CERS1: variants seen among roughly 807,000 people sequenced by gnomAD.
CERS1 encodes Embryonic growth/differentiation factor 1.
In CERS1, 16 loss-of-function variants were observed where a neutral mutation model predicts 35.7. The ratio of observed to expected loss-of-function variants is 0.45; its 90% CI spans 0.30 to 0.68. The LOEUF is 0.68. CERS1 is among the 30% of genes least tolerant of loss of function. The probability of loss-of-function intolerance (pLI) is 0.08; values close to 1 mark genes in which losing one functional copy is unlikely to be tolerated. For synonymous variants in CERS1, 243 were observed against 201.6 expected, an observed-to-expected ratio of 1.21 and a Z score of -1.74; for missense variants, 454 against 453.9, an observed-to-expected ratio of 1.00 and a Z score of 0.00.
At chr19:18,886,287 C>T (rs370192977) in intron 2 of CERS1, among the ~76,000 whole-genome samples, 16 of 152,004 alleles carry the variant, frequency 1.1e-4, no homozygotes, top group African/African-American at 2.7e-4. Context: ...CAGTGGCTCA[C>T]GCCTGTAATC....
At chr19:18,893,196 A>G (rs1601191721) in intron 2 of CERS1, among the ~76,000 whole-genome samples, 1 of 150,926 alleles carries the variant, frequency 6.6e-6, no homozygotes, top group African/African-American at 2.4e-5. Flanking sequence ...TACAGGCGTG[A>G]GCCACTGCGC....
At chr19:18,869,744 G>T (rs2055929984) in intron 7 of CERS1, among the ~76,000 whole-genome samples, 1 of 151,216 alleles carries the variant, frequency 6.6e-6, no homozygotes, top group South Asian at 2.1e-4. Context: ...TGGGCATGGG[G>T]TGGGGACAGG....
intron 6 of CERS1, among the ~76,000 whole-genome samples, chr19:18,875,111 C>A (rs2056037385): frequency 6.6e-6 from 1 of 151,946 alleles, no homozygotes; most frequent in African/African-American, 2.4e-5. Context: ...TGGTGGGTGC[C>A]TGTGGTTCCA....
In CERS1 at chr19:18,870,072, C is replaced by T. The variant is rs748236096; in HGVS notation, c.*505G>A. On this transcript the variant is annotated 3_prime_UTR_variant, in exon 7 of 8. Transcript: ENST00000623882. This position sits in a 1 kb window ranked among gnomAD's most constrained non-coding sequence, Gnocchi z 5.1. ...CAGGGTGACCCCTGGGGACGTCCGCCGCGAGCCAGACCTGGTCTCCTGGGG... is the reference window on the plus strand; with the variant it reads ...CAGGGTGACCCCTGGGGACGTCCGCTGCGAGCCAGACCTGGTCTCCTGGGG... 7.1e-5 allele frequency: 113 copies of T among 1,582,670 alleles called. No homozygotes were observed. Among genetic ancestry groups the T allele is most frequent in the Middle Eastern group, 1.7e-4 (1 of 6,020 alleles).
chr19:18,872,162 G>A (rs2055981894), intron 6 of CERS1, among the ~76,000 whole-genome samples: 1 of 152,186 alleles, frequency 6.6e-6, no homozygotes, highest in Admixed American at 6.5e-5. Flanking sequence ...AGCATCCTCG[G>A]TGATGGGTGC....
chr19:18,871,223 ATTT>A (rs572877061), intron 6 of CERS1, among the ~76,000 whole-genome samples: 8,637 of 119,792 alleles, frequency 0.072, 329 homozygotes, highest in African/African-American at 0.12. Flanking sequence ...ACTCCCAGCA[ATTT>A]TTTTTTTTTT....
chr19:18,882,576 G>A (rs1187764976), intron 3 of CERS1, among the ~76,000 whole-genome samples: 1 of 151,892 alleles, frequency 6.6e-6, no homozygotes, highest in African/African-American at 2.4e-5. Flanking sequence ...GCCGGAGGTT[G>A]CAGTAAGCCA....
Position 18,868,847 on chromosome 19 carries a change from C to T in CERS1, c.*1138G>A. ...ACCCTGGCAGTAGTTGGCCAGGAAG[C>T]CGCGCGGCGCGATGACCCAGCGGTG... On this transcript the variant is annotated 3_prime_UTR_variant, in exon 8 of 8. Coordinates refer to ENST00000623882, the MANE Select transcript of CERS1 (RefSeq NM_021267.5). The T allele has an allele frequency of 6.9e-7, 1 of 1,448,136 alleles. No homozygotes were observed. The highest frequency in any genetic ancestry group is 1.2e-5 in the South Asian group (1 of 81,168). 89.7% of individuals were successfully genotyped at this position (1,448,136 alleles called of 1,614,324 possible).
At chr19:18,893,634 TG>T in intron 1 of CERS1, 59 bp from the exon 2 acceptor site, 11 of 1,531,404 alleles carry the variant, frequency 7.2e-6, no homozygotes, top group Non-Finnish European at 9.7e-6. Context: ...ACTGCTCCTT[TG>T]GGGTGGGGAA....
chr19:18,873,015 G>A (rs1361193196), intron 6 of CERS1, among the ~76,000 whole-genome samples: 1 of 152,236 alleles, frequency 6.6e-6, no homozygotes, highest in Non-Finnish European at 1.5e-5. Flanking sequence ...AAGAGCCAGA[G>A]CGAGTGTGCA....
At chr19:18,882,360 T>C (rs1279376474) in intron 3 of CERS1, among the ~76,000 whole-genome samples, 1 of 151,642 alleles carries the variant, frequency 6.6e-6, no homozygotes, top group Non-Finnish European at 1.5e-5. Flanking sequence ...TAACCAGACG[T>C]GGTGGCTCAC....
intron 7 of CERS1, 133 bp from the exon 8 acceptor site, chr19:18,869,523 G>C (rs912179229): frequency 4.2e-5 from 53 of 1,249,948 alleles, no homozygotes; most frequent in Non-Finnish European, 5.2e-5. Context: ...GTGAAGCGGC[G>C]GGGTGGGCTG....
chr19:18,875,819 G>A (rs1224288308), intron 6 of CERS1, among the ~76,000 whole-genome samples: 1 of 152,150 alleles, frequency 6.6e-6, no homozygotes, highest in African/African-American at 2.4e-5. Context: ...GGAAGACGGA[G>A]ACTGAGACTG....
rs116156115 is a variant in CERS1, at chr19:18,887,028, T to C, written c.410-2761A>G. Among the ~76,000 whole-genome samples the C allele has an allele frequency of 3.9e-3, 595 of 152,280 alleles. 4 individuals carry two copies. Among genetic ancestry groups the C allele is most frequent in the African/African-American group, 0.013 (549 of 41,548 alleles). ...GTCCACTAGGGTGTGTGCCTGACAA[T>C]GGAAAACGGGGACTCAAAGAGATAC... On this transcript the variant is annotated intron_variant, in intron 2 of 7. Coordinates refer to ENST00000623882, the MANE Select transcript of CERS1 (RefSeq NM_021267.5).
chr19:18,894,177 G>T (rs2056567474), intron 1 of CERS1, among the ~76,000 whole-genome samples: 1 of 150,856 alleles, frequency 6.6e-6, no homozygotes, highest in Admixed American at 6.6e-5. Context: ...CACAGGCGAG[G>T]TGAGACCCTG....
In CERS1 at chr19:18,896,078, C is replaced by T. The variant is rs2056621325; in HGVS notation, c.-6G>A. ...GCGGGCCCCGCCGCCGCCATACCGCCCGCTCGCCCGCCGTGCCCGTCGCCT... is the reference window on the plus strand; with the variant it reads ...GCGGGCCCCGCCGCCGCCATACCGCTCGCTCGCCCGCCGTGCCCGTCGCCT... On this transcript the variant is annotated 5_prime_UTR_variant, in exon 1 of 8. Coordinates refer to ENST00000623882, the MANE Select transcript of CERS1 (RefSeq NM_021267.5). The surrounding 1 kb of genome is among the most constrained non-coding windows in gnomAD (Gnocchi z 5.9). 1 of 959,942 alleles carries T rather than the reference C, an allele frequency of 1.0e-6. No individual in the cohort carries two copies. Among genetic ancestry groups the T allele is most frequent in the Non-Finnish European group, 1.2e-6 (1 of 808,954 alleles). The allele number at this position is 959,942 out of a possible 1,614,324, so 59.5% of individuals were successfully genotyped here. A position where few individuals can be genotyped will look rare whatever the true frequency, so the allele number is the denominator to read the frequency against.
intron 6 of CERS1, among the ~76,000 whole-genome samples, chr19:18,875,381 A>G (rs371139632): frequency 1.6e-4 from 24 of 152,238 alleles, no homozygotes; most frequent in African/African-American, 5.8e-4. Flanking sequence ...CCCCATTTGT[A>G]AAAATACAAA....
rs1409301380 is a variant in CERS1 at position 18,868,806 on chromosome 19, C to T, written c.*1179G>A. 6.9e-7 allele frequency: 1 copy of T among 1,454,780 alleles called. No individual in the cohort carries two copies. 90.1% of individuals were successfully genotyped at this position (1,454,780 alleles called of 1,614,324 possible). A position where few individuals can be genotyped will look rare whatever the true frequency, so the allele number is the denominator to read the frequency against. On this transcript the variant is annotated 3_prime_UTR_variant, in exon 8 of 8. Transcript: ENST00000623882. Reference sequence around the variant, plus strand: ...GGCCCCCCGGACCCCGACAGCGCGACGGGCAGCGCGCACTGACCCTGGCAG... The same window carrying T: ...GGCCCCCCGGACCCCGACAGCGCGATGGGCAGCGCGCACTGACCCTGGCAG...
chr19:18,884,795 C>A (rs1253059173), intron 2 of CERS1, among the ~76,000 whole-genome samples: 3 of 138,918 alleles, frequency 2.2e-5, no homozygotes, highest in Non-Finnish European at 3.0e-5. Context: ...CTCACTGCAA[C>A]CTCCACCTCC....
Sources: allele counts gnomAD v4.1 joint callset (sites outside exome capture counted in the v4.1 genomes callset), GRCh38; gene constraint gnomAD v4.1.1; non-coding constraint Gnocchi (gnomAD v3.1); transcripts MANE v1.5; gene names NCBI Gene and HGNC (gene_info 2026-07-23, HGNC 2026-07-21).